Variants in DST observed in about 807,000 individuals in gnomAD.
The protein encoded by DST is dystonin, also known as bullous pemphigoid antigen.
DST carries 253 observed loss-of-function variants against 875.2 expected under a neutral mutation model. That is an observed-to-expected ratio of 0.29 (90% CI 0.26 to 0.32). The LOEUF (loss-of-function observed/expected upper bound fraction) is 0.32, where lower values mean the gene tolerates loss of function less well. Among genes scored for constraint, DST ranks in the 10% least tolerant of loss-of-function variants. The pLI, the probability that DST is intolerant of heterozygous loss-of-function variation, is 1.00. For synonymous variants in DST, 3,124 were observed against 3,197.1 expected (o/e 0.98, Z 0.77); for missense variants, 8,287 against 9,111.6 (o/e 0.91, Z 3.68).
Position 56,703,733 on chromosome 6 carries a change from T to C in DST, c.791A>G (p.Asp264Gly). Residue 264 changes from aspartate to glycine, a missense_variant, in exon 7 of 104, where the codon GAT becomes GGT. By Grantham distance (94) the Asp-to-Gly change is moderately conservative. Around this residue, in one of 10 missense-constraint regions of DST, gnomAD observed 1,160 missense variants for 1,424.3 expected, o/e 0.81. Transcript: ENST00000680361. ...LSGDTLPRER[D>G]FLKTLRLVSA... ...CACCAATCGTAAGGTCTTCAAAAAA[T>C]CTCGCTCCCTTGGCTAATGAATATA... 1.0e-6 allele frequency: 1 copy of C among 984,628 alleles called. No individual in the cohort carries two copies. The highest frequency in any genetic ancestry group is 1.2e-6 in the Non-Finnish European group (1 of 829,442). The allele number at this position is 984,628 out of a possible 1,614,324, so 61.0% of individuals were successfully genotyped here.
chr6:56,834,667 C>T (rs7752532), intron 4 of DST, among the ~76,000 whole-genome samples: 2 of 152,030 alleles, frequency 1.3e-5, no homozygotes, highest in Non-Finnish European at 2.9e-5. Flanking sequence ...AATACCACCA[C>T]GCACCTATCT....
intron 3 of DST, among the ~76,000 whole-genome samples, chr6:56,852,958 C>T (rs1468116722): frequency 2.0e-5 from 3 of 152,210 alleles, no homozygotes; most frequent in African/African-American, 7.2e-5. Flanking sequence ...CTAATTGCAT[C>T]AGGACTACCA....
intron 10 of DST, among the ~76,000 whole-genome samples, chr6:56,660,340 CAAAACA>C (rs912661942): frequency 6.6e-6 from 1 of 152,026 alleles, no homozygotes; most frequent in African/African-American, 2.4e-5. Flanking sequence ...AAGTGTAAAA[CAAAACA>C]AAAACAAAAA....
chr6:56,664,530 T>C (rs1345048612), intron 10 of DST, among the ~76,000 whole-genome samples: 1 of 152,194 alleles, frequency 6.6e-6, no homozygotes, highest in Non-Finnish European at 1.5e-5. Flanking sequence ...ATTAATCCAC[T>C]AGTGTTTAAA....
intron 36 of DST, chr6:56,616,646 A>C (rs764182176): frequency 9.9e-6 from 16 of 1,614,076 alleles, no homozygotes; most frequent in Admixed American, 1.7e-5. Flanking sequence ...GGCATTATTC[A>C]ACAACCCCTG....
At chr6:56,887,227 C>T (rs1270421878) in intron 3 of DST, among the ~76,000 whole-genome samples, 2 of 152,196 alleles carry the variant, frequency 1.3e-5, no homozygotes, top group South Asian at 2.1e-4. Flanking sequence ...CTAAGATCCC[C>T]TCAAGCTTTA....
chr6:56,559,074 A>G lies in DST; in HGVS notation c.14440+1220T>C, dbSNP rs75841865. On this transcript the variant is annotated intron_variant, in intron 58 of 103. Coordinates refer to ENST00000680361, the MANE Select transcript of DST (RefSeq NM_001374736.1). ...ACTTGAGAGAGTTTTCATTTAGCAT[A>G]ACACACTAAAGGGATGACTTTAATA... Among the ~76,000 whole-genome samples, 619 of 152,286 alleles carry G rather than the reference A, an allele frequency of 4.1e-3. 26 individuals carry two copies. The East Asian group carries it at 0.094, about 23-fold the overall frequency.
chr6:56,904,585 G>C (rs60910121), intron 2 of DST, among the ~76,000 whole-genome samples: 8,083 of 152,108 alleles, frequency 0.053, 341 homozygotes, highest in East Asian at 0.16. Flanking sequence ...TTACACATCA[G>C]CAGCTCACAG....
At chr6:56,476,494 C>G (rs1304293161) in intron 91 of DST, among the ~76,000 whole-genome samples, 157 bp from the exon 92 acceptor site, 3 of 152,202 alleles carry the variant, frequency 2.0e-5, no homozygotes, top group African/African-American at 7.2e-5. Flanking sequence ...GCATCAAGAT[C>G]TGGCTTGAGG....
chr6:56,677,053 T>C (rs2099134439), intron 9 of DST, among the ~76,000 whole-genome samples: 1 of 152,200 alleles, frequency 6.6e-6, no homozygotes, highest in South Asian at 2.1e-4. Context: ...AAAATGTAAG[T>C]ACTGAAGTAA....
intron 4 of DST, among the ~76,000 whole-genome samples, chr6:56,736,058 G>C (rs1479996790): frequency 1.3e-5 from 2 of 151,782 alleles, no homozygotes; most frequent in African/African-American, 2.4e-5. Flanking sequence ...TTGCTTGTTT[G>C]TTTGTTTTGT....
intron 3 of DST, among the ~76,000 whole-genome samples, chr6:56,873,573 C>T (rs62411406): frequency 1.7e-4 from 26 of 152,096 alleles, no homozygotes; most frequent in Non-Finnish European, 2.9e-4. Context: ...GCAACATAGA[C>T]GGAACTGGAA....
At chr6:56,590,276 T>TA (rs1211717719) in intron 49 of DST, among the ~76,000 whole-genome samples, 2 of 152,146 alleles carry the variant, frequency 1.3e-5, no homozygotes, top group African/African-American at 4.8e-5. Context: ...TCTGTTTAAT[T>TA]AAAAAACCAT....
intron 32 of DST, among the ~76,000 whole-genome samples, chr6:56,628,611 A>C (rs2152754386): frequency 6.6e-6 from 1 of 152,320 alleles, no homozygotes; most frequent in African/African-American, 2.4e-5. Context: ...ATGATTTAAA[A>C]AACCACCACA....
intron 64 of DST, among the ~76,000 whole-genome samples, chr6:56,531,707 A>G (rs2096898279): frequency 6.6e-6 from 1 of 152,114 alleles, no homozygotes; most frequent in Non-Finnish European, 1.5e-5. Context: ...ATGGCTAGTC[A>G]ATGGCGGCAT....
intron 9 of DST, among the ~76,000 whole-genome samples, chr6:56,689,981 A>G (rs2099216728): frequency 6.6e-6 from 1 of 152,218 alleles, no homozygotes; most frequent in Non-Finnish European, 1.5e-5. Flanking sequence ...TGAAAAAGGT[A>G]CAAACACTAA....
chr6:56,527,348 T>C, intron 68 of DST, 145 bp downstream of exon 68: 1 of 993,288 alleles, frequency 1.0e-6, no homozygotes, highest in Non-Finnish European at 1.4e-6. Flanking sequence ...ACAGTTGATC[T>C]GCTGCCAATT....
intron 2 of DST, among the ~76,000 whole-genome samples, chr6:56,930,728 T>C (rs1264423459): frequency 6.6e-6 from 1 of 152,210 alleles, no homozygotes; most frequent in Non-Finnish European, 1.5e-5. Context: ...ATCAGTAATT[T>C]TTCTAGTGTT....
intron 26 of DST, 85 bp downstream of exon 26, chr6:56,634,377 G>A: frequency 6.2e-7 from 1 of 1,606,372 alleles, no homozygotes; most frequent in Non-Finnish European, 8.5e-7. Context: ...TGATCCTGTG[G>A]GGCCTTGACA....
Sources: gnomAD v4.1 joint callset for allele counts (sites outside exome capture counted in the v4.1 genomes callset) on GRCh38, gnomAD v4.1.1 for gene constraint, gnomAD v4.1.1 regional missense constraint, MANE v1.5 for transcripts, NCBI Gene and HGNC (gene_info 2026-07-23, HGNC 2026-07-21) for gene names.